The following LYPLAL1 variants were observed in gnomAD, a reference collection of about 807,000 sequenced individuals.
LYPLAL1 encodes the protein lysophospholipase-like protein 1.
In LYPLAL1, 23 loss-of-function variants were observed where a neutral mutation model predicts 19.7. The ratio of observed to expected loss-of-function variants is 1.17; its 90% CI spans 0.84 to 1.65. The LOEUF is 1.65. Ranked by LOEUF, LYPLAL1 falls within the 40% of genes most tolerant of loss-of-function variation. LYPLAL1 has a pLI of 0.00. For synonymous variants in LYPLAL1, 119 were observed against 96.3 expected (o/e 1.24, Z -1.38); for missense variants, 355 against 279.4 (o/e 1.27, Z -1.93).
the LYPLAL1 span, among the ~76,000 whole-genome samples, chr1:219,292,363 T>C: frequency 6.6e-6 from 1 of 152,180 alleles, no homozygotes; most frequent in African/African-American, 2.4e-5. Flanking sequence ...CTCAGTAATA[T>C]TACATCCTCC....
At chr1:219,229,356 A>C in the LYPLAL1 span, among the ~76,000 whole-genome samples, 1 of 150,692 alleles carries the variant, frequency 6.6e-6, no homozygotes, top group African/African-American at 2.4e-5. Flanking sequence ...GCTACCGAAC[A>C]GCAGAACCAC....
chr1:219,311,137 GTT>G, the LYPLAL1 span, among the ~76,000 whole-genome samples: 1 of 142,056 alleles, frequency 7.0e-6, no homozygotes, highest in African/African-American at 2.6e-5. Flanking sequence ...TAGTCTAAGA[GTT>G]TTTTTTTTTT....
chr1:219,411,982 A>G, the LYPLAL1 span: 10 of 152,892 alleles, frequency 6.5e-5, no homozygotes, highest in African/African-American at 2.4e-4. Flanking sequence ...AATATTGCAA[A>G]TGGAATGTGC....
At chr1:219,346,973 A>G in the LYPLAL1 span, among the ~76,000 whole-genome samples, 1,275 of 152,288 alleles carry the variant, frequency 8.4e-3, 20 homozygotes, top group African/African-American at 0.029. Context: ...AGACTTGACA[A>G]ATCTTGTTTA....
At chr1:219,354,192 A>G in the LYPLAL1 span, among the ~76,000 whole-genome samples, 4 of 152,156 alleles carry the variant, frequency 2.6e-5, no homozygotes, top group African/African-American at 9.7e-5. Context: ...AAAAATGGCA[A>G]AAGTTCCACT....
chr1:219,398,505 G>A, the LYPLAL1 span, among the ~76,000 whole-genome samples: 4 of 152,100 alleles, frequency 2.6e-5, no homozygotes, highest in African/African-American at 9.7e-5. Context: ...ATGTACTCCT[G>A]CATCTCAATC....
At chr1:219,188,887 T>C (rs566778542) in intron 2 of LYPLAL1, among the ~76,000 whole-genome samples, 10 of 151,932 alleles carry the variant, frequency 6.6e-5, no homozygotes, top group African/African-American at 1.9e-4. Flanking sequence ...ACATATGTGA[T>C]AGTTTTTAGC....
chr1:219,239,713 T>A, the LYPLAL1 span, among the ~76,000 whole-genome samples: 1 of 152,236 alleles, frequency 6.6e-6, no homozygotes, highest in South Asian at 2.1e-4. Context: ...AATGGCAATC[T>A]TGGCAGATCT....
the LYPLAL1 span, among the ~76,000 whole-genome samples, chr1:219,245,175 C>CCCTTCCTTCCTTCCTT: frequency 1.7e-4 from 23 of 132,618 alleles, no homozygotes; most frequent in East Asian, 2.4e-3. Flanking sequence ...CCTCTTCCAT[C>CCCTTCCTTCCTTCCTT]CCTTCCTTCC....
downstream of LYPLAL1, among the ~76,000 whole-genome samples, chr1:219,215,253 A>G (rs754182492): frequency 2.6e-5 from 4 of 152,112 alleles, no homozygotes; most frequent in African/African-American, 9.7e-5. Flanking sequence ...CCAGATAAAC[A>G]TGTTTTCTCT....
the LYPLAL1 span, among the ~76,000 whole-genome samples, chr1:219,252,054 T>G: frequency 6.6e-6 from 1 of 152,056 alleles, no homozygotes; most frequent in Non-Finnish European, 1.5e-5. Context: ...CATTTGTGAA[T>G]GGGATTGCCT....
the LYPLAL1 span, among the ~76,000 whole-genome samples, chr1:219,429,379 A>G: frequency 2.6e-5 from 4 of 152,182 alleles, no homozygotes. Context: ...GAATTCCAGC[A>G]GGGCGCAGTG....
chr1:219,249,947 T>C, the LYPLAL1 span, among the ~76,000 whole-genome samples: 1 of 152,070 alleles, frequency 6.6e-6, no homozygotes, highest in Non-Finnish European at 1.5e-5. Context: ...CACAGACTGG[T>C]GACATATAGT....
At chr1:219,202,594 G>A (rs775609416) in intron 3 of LYPLAL1, among the ~76,000 whole-genome samples, 6 of 152,204 alleles carry the variant, frequency 3.9e-5, no homozygotes, top group Non-Finnish European at 7.3e-5. Flanking sequence ...ATGAAGGAGG[G>A]ATTCAGTGGG....
chr1:219,258,013 C>G, the LYPLAL1 span, among the ~76,000 whole-genome samples: 3 of 151,982 alleles, frequency 2.0e-5, no homozygotes, highest in Admixed American at 6.6e-5. Context: ...AGTGATATCT[C>G]TCATACTTAC....
At chr1:219,232,793 G>A in the LYPLAL1 span, among the ~76,000 whole-genome samples, 259 of 151,730 alleles carry the variant, frequency 1.7e-3, 1 homozygote, top group Middle Eastern at 0.01. Context: ...TATTCAACAT[G>A]CCTACTCATT....
chr1:219,282,729 CA>C, the LYPLAL1 span, among the ~76,000 whole-genome samples: 7 of 150,442 alleles, frequency 4.7e-5, no homozygotes, highest in African/African-American at 4.9e-5. Context: ...ATTTTTTTTC[CA>C]AAAAAAATCA....
At chr1:219,181,106 T>A (rs1328584297) in intron 2 of LYPLAL1, among the ~76,000 whole-genome samples, 1 of 152,198 alleles carries the variant, frequency 6.6e-6, no homozygotes, top group Non-Finnish European at 1.5e-5. Context: ...ATAATATATT[T>A]TATTTAACCC....
intron 3 of LYPLAL1, among the ~76,000 whole-genome samples, chr1:219,208,091 G>A (rs1018280043): frequency 6.6e-6 from 1 of 152,018 alleles, no homozygotes; most frequent in Admixed American, 6.6e-5. Flanking sequence ...AAGTAAATGG[G>A]CTGTAAAGAA....
Sources: allele counts gnomAD v4.1 joint callset (sites outside exome capture counted in the v4.1 genomes callset), GRCh38; gene constraint gnomAD v4.1.1; transcripts MANE v1.5; gene names NCBI Gene and HGNC (gene_info 2026-07-23, HGNC 2026-07-21).